Variants in CSMD1 observed in about 807,000 individuals in gnomAD.
The protein encoded by CSMD1 is CUB and Sushi multiple domains 1, also known as CUB and sushi domain-containing protein 1.
CSMD1 carries 213 observed loss-of-function variants against 417.5 expected under a neutral mutation model. That is an observed-to-expected ratio of 0.51 (90% CI 0.46 to 0.57). CSMD1 has a LOEUF of 0.57. Ranked by LOEUF, CSMD1 falls within the 20% of genes least tolerant of loss-of-function variation. CSMD1 has a pLI of 0.00. For synonymous variants in CSMD1, 2,862 were observed against 1,736.8 expected (o/e 1.65, Z -16.11); for missense variants, 6,923 against 4,529.7 (o/e 1.53, Z -15.17).
In CSMD1 at chr8:2,951,284, A is replaced by C; in HGVS notation, c.10040-9T>G. On this transcript the variant is annotated splice_polypyrimidine_tract_variant and intron_variant, in intron 65 of 69. Transcript: ENST00000635120. ...AAAGACATCTGAAGGAACTGTGGGAAGGGGGGAAACAGACCAATGTCAGCA... is the reference window on the plus strand; with the variant it reads ...AAAGACATCTGAAGGAACTGTGGGACGGGGGGAAACAGACCAATGTCAGCA... 1 of 1,597,322 alleles carries C rather than the reference A, an allele frequency of 6.3e-7. No individual in the cohort carries two copies. Among genetic ancestry groups the C allele is most frequent in the Non-Finnish European group, 8.5e-7 (1 of 1,171,184 alleles).
At chr8:3,759,787 A>C (rs1456368990) in intron 5 of CSMD1, among the ~76,000 whole-genome samples, 1 of 151,470 alleles carries the variant, frequency 6.6e-6, no homozygotes, top group Non-Finnish European at 1.5e-5. Flanking sequence ...AGACTCCTGT[A>C]ATCGCAGCTA....
chr8:4,339,897 C>G (rs1487692952), intron 3 of CSMD1, among the ~76,000 whole-genome samples: 1 of 152,030 alleles, frequency 6.6e-6, no homozygotes, highest in Non-Finnish European at 1.5e-5. Flanking sequence ...TGGTGGCACG[C>G]ACCAGTAGTC....
chr8:4,233,854 G>T (rs1208630771), intron 3 of CSMD1, among the ~76,000 whole-genome samples: 2 of 151,684 alleles, frequency 1.3e-5, no homozygotes, highest in Non-Finnish European at 2.9e-5. Flanking sequence ...CATATATAAA[G>T]AATCTAATCC....
rs200097985 is a variant in CSMD1, at chr8:3,926,080, C to CAT, written c.818+71821_818+71822dup. ...CACACACACACACACACACAAACAC[C>CAT]ATACACACACACACACACACACACA... On this transcript the variant is annotated intron_variant, in intron 5 of 69. Coordinates refer to ENST00000635120, the MANE Select transcript of CSMD1 (RefSeq NM_033225.6). Among the ~76,000 whole-genome samples the CAT allele has an allele frequency of 3.3e-4, 17 of 52,264 alleles. 1 individual carries two copies. The highest frequency in any genetic ancestry group is 9.6e-4 in the Admixed American group (4 of 4,162). The allele number at this position is 52,264 out of a possible 152,430, so 34.3% of individuals were successfully genotyped here. A position where few individuals can be genotyped will look rare whatever the true frequency, so the allele number is the denominator to read the frequency against.
chr8:3,213,976 G>T (rs941818019), intron 30 of CSMD1, among the ~76,000 whole-genome samples: 2 of 151,830 alleles, frequency 1.3e-5, no homozygotes, highest in Non-Finnish European at 2.9e-5. Context: ...CTACTGAGTA[G>T]CTGGGATCAC....
rs1416395631 is a variant in CSMD1, at chr8:4,771,518, G to T, written c.86-133960C>A. Among the ~76,000 whole-genome samples, 5 of 152,184 alleles carry T rather than the reference G, an allele frequency of 3.3e-5. No homozygotes were observed. In the South Asian group the frequency reaches 1.0e-3, roughly 32 times the overall value. ...TTATGCTGCATTACTGATTCATTTA[G>T]AAGTTATTAGTTTGCTGCTAGGCAT... On this transcript the variant is annotated intron_variant, in intron 1 of 69. Coordinates refer to ENST00000635120, the MANE Select transcript of CSMD1 (RefSeq NM_033225.6).
chr8:3,002,431 C>T (rs890965370), intron 52 of CSMD1, among the ~76,000 whole-genome samples: 3 of 152,134 alleles, frequency 2.0e-5, no homozygotes, highest in Admixed American at 6.5e-5. Flanking sequence ...CCAGCCATTT[C>T]TGAGGCGAGG....
At chr8:3,459,322 G>A (rs1334475672) in intron 12 of CSMD1, among the ~76,000 whole-genome samples, 1 of 152,196 alleles carries the variant, frequency 6.6e-6, no homozygotes, top group Non-Finnish European at 1.5e-5. Context: ...CCTGCTGGCT[G>A]ACGTGGGGCA....
intron 12 of CSMD1, among the ~76,000 whole-genome samples, chr8:3,447,189 A>G (rs1219840029): frequency 6.6e-6 from 1 of 152,232 alleles, no homozygotes; most frequent in Non-Finnish European, 1.5e-5. Context: ...ACTCTATGGC[A>G]AAGAAAAATG....
chr8:3,014,514 G>C (rs562653957), intron 52 of CSMD1, among the ~76,000 whole-genome samples: 12 of 152,146 alleles, frequency 7.9e-5, no homozygotes, highest in Non-Finnish European at 1.6e-4. Flanking sequence ...ACTCAGCAGT[G>C]TGATTTTTAG....
At chr8:3,008,455 C>T (rs532176739) in intron 52 of CSMD1, among the ~76,000 whole-genome samples, 9 of 152,352 alleles carry the variant, frequency 5.9e-5, no homozygotes, top group South Asian at 2.1e-4. Context: ...GCCAGCCTCT[C>T]AAAGCCTTTG....
At chr8:4,795,098 G>A (rs569805229) in intron 1 of CSMD1, among the ~76,000 whole-genome samples, 1 of 151,878 alleles carries the variant, frequency 6.6e-6, no homozygotes, top group East Asian at 1.9e-4. Context: ...GAAGAATCAG[G>A]TGGAATAGAT....
chr8:4,018,614 A>G (rs981094167), intron 4 of CSMD1, among the ~76,000 whole-genome samples: 8 of 152,248 alleles, frequency 5.3e-5, no homozygotes, highest in Non-Finnish European at 1.2e-4. Flanking sequence ...CAGACTATTC[A>G]GGATTCAAGC....
intron 46 of CSMD1, among the ~76,000 whole-genome samples, chr8:3,101,281 T>C (rs930232639): frequency 6.6e-6 from 1 of 152,194 alleles, no homozygotes; most frequent in African/African-American, 2.4e-5. Context: ...CCTTTGTGTT[T>C]CCAAACCTTT....
chr8:4,455,286 G>A (rs62481022), intron 2 of CSMD1, among the ~76,000 whole-genome samples: 82,976 of 152,038 alleles, frequency 0.55, 25,323 homozygotes, highest in South Asian at 0.7. Context: ...AGAACTTCAT[G>A]ATGGATTCTT....
In CSMD1 at chr8:2,966,625, C is replaced by G. The variant is rs773914889; in HGVS notation, c.9045G>C (p.Met3015Ile). The G allele has an allele frequency of 4.3e-6, 7 of 1,613,758 alleles. No individual in the cohort carries two copies. The highest frequency in any genetic ancestry group is 5.9e-6 in the Non-Finnish European group (7 of 1,179,788). Residue 3015 changes from methionine to isoleucine, a missense_variant, in exon 58 of 70, where the codon ATG (methionine) becomes ATC (isoleucine). Met to Ile is a conservative substitution (Grantham distance 10). Transcript: ENST00000635120. ...TCCCATTGGCTGTGCAATGCCGTGT[C>G]ATGAGCCCTGAGGTCTTGTAGCCTT... is the stretch of plus-strand genomic sequence containing the variant. The part of the protein sequence containing the change: ...CWEGYKTSGL[M>I]TRHCTANGTW...
At chr8:4,583,807 C>T (rs113722108) in intron 2 of CSMD1, among the ~76,000 whole-genome samples, 8,854 of 152,122 alleles carry the variant, frequency 0.058, 295 homozygotes, top group East Asian at 0.1. Flanking sequence ...AAGCAGGCTG[C>T]CCCAGCCAGC....
chr8:3,869,528 A>G (rs1805335099), intron 5 of CSMD1, among the ~76,000 whole-genome samples: 1 of 152,168 alleles, frequency 6.6e-6, no homozygotes, highest in South Asian at 2.1e-4. Flanking sequence ...ACAATATTTT[A>G]TCATTTCTTC....
intron 7 of CSMD1, among the ~76,000 whole-genome samples, chr8:3,671,690 G>A (rs1169258086): frequency 6.6e-6 from 1 of 150,392 alleles, no homozygotes; most frequent in Non-Finnish European, 1.5e-5. Flanking sequence ...GAGCTCCTTG[G>A]GAGCCTCTTC....
Sources: allele counts gnomAD v4.1 joint callset (sites outside exome capture counted in the v4.1 genomes callset), GRCh38; gene constraint gnomAD v4.1.1; transcripts MANE v1.5; gene names NCBI Gene and HGNC (gene_info 2026-07-23, HGNC 2026-07-21).